Variants in FAM210B observed in about 807,000 individuals in gnomAD.
FAM210B encodes mitochondrial inner membrane scaffold 2, also known as family with sequence similarity 210 member B.
FAM210B carries 11 observed loss-of-function variants against 14.9 expected under a neutral mutation model. The ratio of observed to expected loss-of-function variants is 0.74; its 90% CI spans 0.46 to 1.22. The LOEUF (loss-of-function observed/expected upper bound fraction) is 1.22. Among genes scored for constraint, FAM210B ranks in the 50% most tolerant of loss-of-function variants. The pLI is 0.00. For synonymous variants in FAM210B, 113 were observed against 110.2 expected (o/e 1.03, Z -0.16); for missense variants, 229 against 250.1 (o/e 0.92, Z 0.57).
chr20:56,364,332 C>T (rs1025121358), intron 1 of FAM210B, among the ~76,000 whole-genome samples: 1 of 152,210 alleles, frequency 6.6e-6, no homozygotes, highest in Non-Finnish European at 1.5e-5. Flanking sequence ...TGGCTCATGG[C>T]CCTTGCCTCC....
At chr20:56,364,110 G>A (rs1287701648) in intron 1 of FAM210B, among the ~76,000 whole-genome samples, 1 of 152,212 alleles carries the variant, frequency 6.6e-6, no homozygotes, top group Non-Finnish European at 1.5e-5. Flanking sequence ...AAGCTTGTGA[G>A]CCCTGGTGTT....
At position 56,359,305 on chromosome 20, in the gene FAM210B, C is replaced by T. The variant is rs1301349347; in HGVS notation, c.186+114C>T. 9.3e-7 allele frequency: 1 copy of T among 1,069,748 alleles called. No homozygotes were observed. 66.3% of individuals were successfully genotyped at this position (1,069,748 alleles called of 1,614,324 possible). Reference sequence around the variant, plus strand: ...AAGGACGCCTTTGCACTTGTAGCTGCCCGGGACCGAGCTCTTCCAGGGTCC... The same window carrying T: ...AAGGACGCCTTTGCACTTGTAGCTGTCCGGGACCGAGCTCTTCCAGGGTCC... On this transcript the variant is annotated intron_variant, in intron 1 of 2. Transcript: ENST00000371384. This position sits in a 1 kb window ranked among gnomAD's most constrained non-coding sequence, Gnocchi z 4.3.
rs2146106460 is a variant in FAM210B at position 56,359,501 on chromosome 20, AACTTCC to A, written c.186+313_186+318del. The stretch of plus-strand genomic sequence containing the variant: ...GGGCGCAGCCGACTGACTTGGTCTG[AACTTCC>A]ACACGTTGCCTGCGGAGTTGTTGTC... On this transcript the variant is annotated intron_variant, in intron 1 of 2. Transcript: ENST00000371384. The surrounding 1 kb of genome is among the most constrained non-coding windows in gnomAD (Gnocchi z 4.3). Among the ~76,000 whole-genome samples, 1 of 152,300 alleles carries A rather than the reference AACTTCC, an allele frequency of 6.6e-6. No individual in the cohort carries two copies. Among genetic ancestry groups the A allele is most frequent in the East Asian group, 1.9e-4 (1 of 5,176 alleles).
At position 56,366,847 on chromosome 20, in the gene FAM210B, T is replaced by C. The variant is rs1983646036; in HGVS notation, c.*560T>C. 6.5e-6 allele frequency: 1 copy of C among 153,626 alleles called. No individual in the cohort carries two copies. 9.5% of individuals were successfully genotyped at this position (153,626 alleles called of 1,614,324 possible). A position where few individuals can be genotyped will look rare whatever the true frequency, so the allele number is the denominator to read the frequency against. Reference sequence around the variant, plus strand: ...TTACATTGGTTTGGGGGAAGAAAAGTAGTTCTGGTATGTTTCATTGATCCC... The same window carrying C: ...TTACATTGGTTTGGGGGAAGAAAAGCAGTTCTGGTATGTTTCATTGATCCC... On this transcript the variant is annotated 3_prime_UTR_variant, in exon 3 of 3. Transcript: ENST00000371384.
chr20:56,364,763 G>T (rs1385008947), intron 1 of FAM210B, among the ~76,000 whole-genome samples: 3 of 152,106 alleles, frequency 2.0e-5, no homozygotes, highest in Admixed American at 6.5e-5. Context: ...GACCAACCTG[G>T]CTAACACAGT....
intron 1 of FAM210B, among the ~76,000 whole-genome samples, chr20:56,364,880 G>A (rs1299750383): frequency 6.6e-6 from 1 of 152,136 alleles, no homozygotes; most frequent in African/African-American, 2.4e-5. Context: ...TTTGAACCAG[G>A]GAGGTGGAGG....
At chr20:56,360,097 T>C in intron 1 of FAM210B, 1 of 434,170 alleles carries the variant, frequency 2.3e-6, no homozygotes, top group Non-Finnish European at 4.8e-6. Context: ...GTTTCCTAGC[T>C]TTTCAGTAAG....
chr20:56,361,307 G>A (rs1983527675), intron 1 of FAM210B, among the ~76,000 whole-genome samples: 1 of 152,074 alleles, frequency 6.6e-6, no homozygotes, highest in South Asian at 2.1e-4. Flanking sequence ...GTTTCTCTAT[G>A]GCACTTGTCA....
rs375433613 is a variant in FAM210B, at chr20:56,366,246, C to T, written c.538C>T (p.Arg180Ter). ...TGTGCCCTTGATTGTCAGATATTTT[C>T]GAAAAGTGGGATTTTTTAAACCTCC... ...VSVPLIVRYF[R>*]KVGFFKPPAA... is the part of the protein sequence containing the mutation. Residue 180 changes from arginine (R) to a stop codon, truncating the protein, a stop_gained, in exon 3 of 3, where the codon CGA (arginine) becomes TGA (stop). Transcript: ENST00000371384. LOFTEE classifies it high-confidence loss of function. 1.2e-5 allele frequency: 19 copies of T among 1,613,972 alleles called. No individual in the cohort carries two copies. The highest frequency in any genetic ancestry group is 1.4e-5 in the Non-Finnish European group (17 of 1,180,034).
At position 56,366,061 on chromosome 20, in the gene FAM210B, T is replaced by C; in HGVS notation, c.363-10T>C. ...TGTAATAATTGTTTTCTTTGCTTCT[T>C]CCCCCCTAGTGGTGTGGACATGCCT... On this transcript the variant is annotated splice_polypyrimidine_tract_variant and intron_variant, in intron 2 of 2. Transcript: ENST00000371384. The C allele has an allele frequency of 6.2e-7, 1 of 1,604,028 alleles. No individual in the cohort carries two copies. The highest frequency in any genetic ancestry group is 8.5e-7 in the Non-Finnish European group (1 of 1,172,934).
At chr20:56,364,607 A>T (rs371834529) in intron 1 of FAM210B, among the ~76,000 whole-genome samples, 4 of 152,318 alleles carry the variant, frequency 2.6e-5, no homozygotes, top group South Asian at 4.1e-4. Context: ...TCTGCCAGCC[A>T]TACCTAGTTC....
chr20:56,360,801 A>G (rs891225901), intron 1 of FAM210B: 1 of 153,956 alleles, frequency 6.5e-6, no homozygotes, highest in Non-Finnish European at 1.4e-5. Flanking sequence ...GATTAGGACA[A>G]AAGATAACTC....
intron 2 of FAM210B, among the ~76,000 whole-genome samples, chr20:56,365,578 T>C (rs547590669): frequency 6.6e-6 from 1 of 152,136 alleles, no homozygotes; most frequent in African/African-American, 2.4e-5. Flanking sequence ...TGATCTCGGC[T>C]CACTGCAAGC....
intron 1 of FAM210B, chr20:56,360,215 C>G (rs754923620): frequency 2.1e-6 from 1 of 470,800 alleles, no homozygotes; most frequent in Non-Finnish European, 4.4e-6. Context: ...TGGGGATCCT[C>G]TCCAGAGTGG....
chr20:56,364,962 A>C, intron 1 of FAM210B, 125 bp from the exon 2 acceptor site: 1 of 944,030 alleles, frequency 1.1e-6, no homozygotes, highest in Non-Finnish European at 1.5e-6. Context: ...TCAAAAGAAA[A>C]AGGAAAGGGG....
intron 1 of FAM210B, chr20:56,360,585 A>G (rs989976342): frequency 2.5e-5 from 5 of 202,236 alleles, no homozygotes; most frequent in Admixed American, 2.1e-4. Flanking sequence ...ATGGGACGTT[A>G]ATAATTCAGA....
rs1301654429 is a variant in FAM210B, at chr20:56,362,480, A to C, written c.187-2607A>C. Among the ~76,000 whole-genome samples the C allele has an allele frequency of 6.6e-6, 1 of 152,142 alleles. No individual in the cohort carries two copies. The highest frequency in any genetic ancestry group is 1.5e-5 in the Non-Finnish European group (1 of 68,028). On this transcript the variant is annotated intron_variant, in intron 1 of 2. Coordinates refer to ENST00000371384, the MANE Select transcript of FAM210B (RefSeq NM_080821.3). This position sits in a 1 kb window ranked among gnomAD's most constrained non-coding sequence, Gnocchi z 4.8. ...TTTCACGAAGAAATGAATGTCTAAAAATTTTCCATTGCCTGCAAGTCACGC... is the reference window on the plus strand; with the variant it reads ...TTTCACGAAGAAATGAATGTCTAAACATTTTCCATTGCCTGCAAGTCACGC...
At position 56,366,275 on chromosome 20, in the gene FAM210B, T is replaced by G. The variant is rs777529210; in HGVS notation, c.567T>G (p.Ala189=). Residue 189 remains alanine (A), a synonymous_variant, in exon 3 of 3, where the codon GCT becomes GCG. Coordinates refer to ENST00000371384, the MANE Select transcript of FAM210B (RefSeq NM_080821.3). ...AAGTGGGATTTTTTAAACCTCCAGCTGCAAAACCTTAATGAACTCTTCAGT... is the reference window on the plus strand; with the variant it reads ...AAGTGGGATTTTTTAAACCTCCAGCGGCAAAACCTTAATGAACTCTTCAGT... ...FRKVGFFKPP[A]AKP is the part of the protein sequence containing the mutation. The G allele has an allele frequency of 2.5e-6, 4 of 1,613,954 alleles. No individual in the cohort carries two copies. In the African/African-American group the frequency reaches 5.3e-5, roughly 22 times the overall value.
chr20:56,359,820 T>C lies in FAM210B; in HGVS notation c.186+629T>C, dbSNP rs1275435523. On this transcript the variant is annotated intron_variant, in intron 1 of 2. Coordinates refer to ENST00000371384, the MANE Select transcript of FAM210B (RefSeq NM_080821.3). This position sits in a 1 kb window ranked among gnomAD's most constrained non-coding sequence, Gnocchi z 4.3. ...TAAATGAAGTCTGGCGGTCCAGGAA[T>C]GGCAAGCCCAGACACGCGGAGCCGG... is the stretch of plus-strand genomic sequence containing the variant. 1.3e-5 allele frequency among the ~76,000 whole-genome samples: 2 copies of C among 152,230 alleles called. No homozygotes were observed. The highest frequency in any genetic ancestry group is 2.9e-5 in the Non-Finnish European group (2 of 68,036).
Sources: allele counts gnomAD v4.1 joint callset (sites outside exome capture counted in the v4.1 genomes callset), GRCh38; gene constraint gnomAD v4.1.1; non-coding constraint Gnocchi (gnomAD v3.1); transcripts MANE v1.5; gene names NCBI Gene and HGNC (gene_info 2026-07-23, HGNC 2026-07-21).